The following RNF214 variants were observed in gnomAD, a reference collection of about 807,000 sequenced individuals.
The protein encoded by RNF214 is ring finger protein 214.
In RNF214, 25 loss-of-function variants were observed where a neutral mutation model predicts 75.9. The observed-to-expected ratio is 0.33, with a 90% CI of 0.24 to 0.46. The LOEUF (loss-of-function observed/expected upper bound fraction) is 0.46, where lower values mean the gene tolerates loss of function less well. RNF214 is among the 20% of genes least tolerant of loss of function. RNF214 has a pLI of 1.00. For synonymous variants in RNF214, 314 were observed against 308.8 expected, an observed-to-expected ratio of 1.02 and a Z score of -0.18; for missense variants, 725 against 857.5, an observed-to-expected ratio of 0.85 and a Z score of 1.93.
At chr11:117,252,760 TC>T (rs1213637987) in intron 6 of RNF214, among the ~76,000 whole-genome samples, 2 of 152,174 alleles carry the variant, frequency 1.3e-5, no homozygotes, top group Non-Finnish European at 2.9e-5. Context: ...GACCTCCTGT[TC>T]CGCCCGCCTT....
chr11:117,265,167 AT>A (rs1304296116), intron 6 of RNF214, among the ~76,000 whole-genome samples: 1 of 151,778 alleles, frequency 6.6e-6, no homozygotes, highest in African/African-American at 2.4e-5. Context: ...TATTGATTTG[AT>A]TGGATTAAGT....
chr11:117,258,138 C>T (rs1181342336), intron 6 of RNF214, among the ~76,000 whole-genome samples: 2 of 151,140 alleles, frequency 1.3e-5, no homozygotes, highest in Admixed American at 6.6e-5. Flanking sequence ...CAGGCTGGAG[C>T]GCTCACTGCA....
At chr11:117,261,485 C>T (rs1174219674) in intron 6 of RNF214, among the ~76,000 whole-genome samples, 1 of 152,120 alleles carries the variant, frequency 6.6e-6, no homozygotes, top group African/African-American at 2.4e-5. Context: ...GAGGCTGAGC[C>T]TGGAGAATCT....
At chr11:117,278,195 T>C (rs757338473) in intron 6 of RNF214, among the ~76,000 whole-genome samples, 24 of 152,062 alleles carry the variant, frequency 1.6e-4, no homozygotes, top group Admixed American at 6.5e-4. Flanking sequence ...TACCACCTAC[T>C]CGGGAGGCTG....
Position 117,281,860 on chromosome 11 carries a change from TTC to T in RNF214, c.1336-27_1336-26del, listed in dbSNP as rs745458889. 3.1e-6 allele frequency: 5 copies of T among 1,594,220 alleles called. No homozygotes were observed. In the Admixed American group the frequency reaches 5.4e-5, roughly 17 times the overall value. On this transcript the variant is annotated intron_variant, in intron 10 of 14. Coordinates refer to ENST00000300650, the MANE Select transcript of RNF214 (RefSeq NM_207343.4). The stretch of plus-strand genomic sequence containing the variant: ...TTTCCTAAACTTTCTTTTTCTTCCT[TTC>T]TCTCTCGTCCTCTACCTCTTCTCCT...
At chr11:117,284,483 A>AGGCAAAAT (rs1378640470) in intron 14 of RNF214, among the ~76,000 whole-genome samples, 1 of 152,216 alleles carries the variant, frequency 6.6e-6, no homozygotes, top group Non-Finnish European at 1.5e-5. Flanking sequence ...TGCTCATCTC[A>AGGCAAAAT]GGCAAAATGG....
chr11:117,275,417 C>T (rs1305864834), intron 6 of RNF214, among the ~76,000 whole-genome samples: 1 of 151,986 alleles, frequency 6.6e-6, no homozygotes, highest in East Asian at 1.9e-4. Context: ...CAGAACTAAA[C>T]AAAATTGAAA....
At position 117,267,778 on chromosome 11, in the gene RNF214, C is replaced by G. The variant is rs112608553; in HGVS notation, c.960-12130C>G. ...TGGTTATAAATATACATACATGTTC[C>G]AGCACCATTTGTTGAAAAGATTATC... On this transcript the variant is annotated intron_variant, in intron 6 of 14. Transcript: ENST00000300650. Among the ~76,000 whole-genome samples, 612 of 152,022 alleles carry G rather than the reference C, an allele frequency of 4.0e-3. 6 individuals are homozygous for G. The highest frequency in any genetic ancestry group is 0.014 in the African/African-American group (596 of 41,474).
At chr11:117,282,880 T>C in intron 13 of RNF214, 30 bp downstream of exon 13, 1 of 1,530,032 alleles carries the variant, frequency 6.5e-7, no homozygotes, top group Non-Finnish European at 9.1e-7. Context: ...AACACTGTGA[T>C]ATGGAGAAGC....
intron 3 of RNF214, 38 bp downstream of exon 3, chr11:117,239,149 G>T: frequency 6.5e-7 from 1 of 1,545,170 alleles, no homozygotes; most frequent in Non-Finnish European, 8.8e-7. Flanking sequence ...ATGTAATTGG[G>T]GGGTGGTGGG....
intron 6 of RNF214, among the ~76,000 whole-genome samples, chr11:117,275,649 T>C (rs1328425150): frequency 6.6e-6 from 1 of 152,172 alleles, no homozygotes; most frequent in Non-Finnish European, 1.5e-5. Context: ...ATGAACTGGA[T>C]AAATTCCTGG....
At chr11:117,274,359 T>TTC (rs1409840994) in intron 6 of RNF214, among the ~76,000 whole-genome samples, 14 of 135,250 alleles carry the variant, frequency 1.0e-4, no homozygotes, top group Non-Finnish European at 1.7e-4. Context: ...ATGACTTCTT[T>TTC]TTTTTTTTTT....
chr11:117,280,318 TAG>T, intron 8 of RNF214, 59 bp downstream of exon 8: 21 of 1,271,328 alleles, frequency 1.7e-5, no homozygotes, highest in Non-Finnish European at 2.4e-5. Flanking sequence ...TTTGTTTGTT[TAG>T]GTTTTTTCAT....
At chr11:117,252,905 A>G (rs1205926881) in intron 6 of RNF214, among the ~76,000 whole-genome samples, 1 of 152,226 alleles carries the variant, frequency 6.6e-6, no homozygotes, top group Non-Finnish European at 1.5e-5. Context: ...TGGATTGGAA[A>G]TTAAGGGAAT....
chr11:117,275,615 A>T (rs770907437), intron 6 of RNF214, among the ~76,000 whole-genome samples: 8 of 152,220 alleles, frequency 5.3e-5, no homozygotes, highest in Non-Finnish European at 7.3e-5. Context: ...GAACACATAT[A>T]TGTATACAAA....
intron 2 of RNF214, among the ~76,000 whole-genome samples, chr11:117,237,835 A>G (rs894719727): frequency 6.6e-6 from 1 of 152,094 alleles, no homozygotes; most frequent in African/African-American, 2.4e-5. Context: ...TAGGTTCTAT[A>G]CTCTGGAAAA....
intron 3 of RNF214, 80 bp downstream of exon 3, chr11:117,239,191 G>T (rs1261976656): frequency 2.8e-6 from 4 of 1,415,292 alleles, no homozygotes; most frequent in Non-Finnish European, 3.8e-6. Flanking sequence ...TTCATATTTG[G>T]TGGAGAACTT....
In RNF214 at chr11:117,238,636, C is replaced by T; in HGVS notation, c.143C>T (p.Pro48Leu). The change falls in exon 3 of 15, where the codon CCT becomes CTT. Residue 48 changes from proline (P) to leucine (L), a missense_variant. Physicochemically the swap from Pro to Leu is moderately conservative, Grantham distance 98 (BLOSUM62 -3). Around this residue, in one of 2 missense-constraint regions of RNF214, gnomAD observed 362 missense variants for 344.5 expected, o/e 1.05. Coordinates refer to ENST00000300650, the MANE Select transcript of RNF214 (RefSeq NM_207343.4). ...KDSAQKQKNS[P>L]LLSVSSQTIT... ...TCTGCACAGAAGCAGAAGAACTCGC[C>T]TCTGTTGAGTGTAAGTAGCCAAACA... The T allele has an allele frequency of 6.2e-7, 1 of 1,614,018 alleles. No individual in the cohort carries two copies. The highest frequency in any genetic ancestry group is 1.3e-5 in the African/African-American group (1 of 75,028).
intron 6 of RNF214, among the ~76,000 whole-genome samples, chr11:117,266,328 G>A (rs188986762): frequency 2.0e-5 from 3 of 151,992 alleles, no homozygotes; most frequent in Non-Finnish European, 4.4e-5. Context: ...GTAAAGTTAC[G>A]TCCTTCACCA....
Sources: allele counts gnomAD v4.1 joint callset (sites outside exome capture counted in the v4.1 genomes callset), GRCh38; gene constraint gnomAD v4.1.1; regional missense constraint gnomAD v4.1.1; transcripts MANE v1.5; gene names NCBI Gene and HGNC (gene_info 2026-07-23, HGNC 2026-07-21).